Variants in CHRM3 observed in about 807,000 individuals in gnomAD.
CHRM3 encodes cholinergic receptor muscarinic 3, also known as muscarinic acetylcholine receptor M3.
Under a neutral mutation model 41.8 loss-of-function variants are expected in CHRM3, and 11 were observed. That is an observed-to-expected ratio of 0.26 (90% CI 0.17 to 0.44). The LOEUF (loss-of-function observed/expected upper bound fraction) is 0.44. CHRM3 is among the 20% of genes least tolerant of loss of function. CHRM3 has a pLI of 1.00. For missense variants in CHRM3, 571 were observed against 745.4 expected (o/e 0.77, Z 2.72); for synonymous variants, 297 against 301.4 (o/e 0.99, Z 0.15).
chr1:239,853,214 A>G (rs573462313), intron 6 of CHRM3, among the ~76,000 whole-genome samples: 3 of 151,926 alleles, frequency 2.0e-5, no homozygotes, highest in Admixed American at 6.6e-5. Flanking sequence ...TTATTTCAGT[A>G]TTCTCCCCAT....
chr1:239,737,071 A>G (rs907573361), intron 5 of CHRM3, among the ~76,000 whole-genome samples: 9 of 152,190 alleles, frequency 5.9e-5, no homozygotes, highest in African/African-American at 1.9e-4. Context: ...GTAAGTATAC[A>G]TGTGACTTAA....
chr1:239,458,629 A>G (rs1254070118), intron 1 of CHRM3, among the ~76,000 whole-genome samples: 1 of 152,218 alleles, frequency 6.6e-6, no homozygotes, highest in Non-Finnish European at 1.5e-5. Context: ...TCCATAAGGT[A>G]TCATCAGTGT....
At chr1:239,482,584 A>G (rs1476113531) in intron 1 of CHRM3, among the ~76,000 whole-genome samples, 1 of 152,080 alleles carries the variant, frequency 6.6e-6, no homozygotes, top group African/African-American at 2.4e-5. Context: ...TCAGATTATT[A>G]ATATACCACT....
At chr1:239,449,606 G>C (rs1478287321) in intron 1 of CHRM3, among the ~76,000 whole-genome samples, 2 of 152,074 alleles carry the variant, frequency 1.3e-5, no homozygotes, top group Admixed American at 1.3e-4. Context: ...TTTGCAGATG[G>C]TTCCAAATTC....
chr1:239,763,367 T>C (rs909147929), intron 5 of CHRM3, among the ~76,000 whole-genome samples: 1 of 152,236 alleles, frequency 6.6e-6, no homozygotes, highest in Non-Finnish European at 1.5e-5. Context: ...CTTTTCAATG[T>C]CTCATGAATA....
intron 3 of CHRM3, among the ~76,000 whole-genome samples, chr1:239,587,241 A>G (rs751752151): frequency 6.6e-6 from 1 of 152,200 alleles, no homozygotes; most frequent in Non-Finnish European, 1.5e-5. Context: ...AGATCCACGT[A>G]CTTGCCACAG....
chr1:239,914,041 G>A lies in CHRM3; in HGVS notation c.*4817G>A, dbSNP rs1572673526. ...TTGCATTCTATTTAAAAGATAAAGG[G>A]GCCATACTCTCCACTGCAAAGAAGC... On this transcript the variant is annotated 3_prime_UTR_variant, in exon 7 of 7. Transcript: ENST00000676153. The A allele has an allele frequency of 6.0e-6, 1 of 166,884 alleles. No homozygotes were observed. Among genetic ancestry groups the A allele is most frequent in the African/African-American group, 2.4e-5 (1 of 41,394 alleles). The allele number at this position is 166,884 out of a possible 1,614,324, so 10.3% of individuals were successfully genotyped here.
At chr1:239,896,098 G>A (rs1678979835) in intron 6 of CHRM3, among the ~76,000 whole-genome samples, 1 of 152,210 alleles carries the variant, frequency 6.6e-6, no homozygotes, top group Non-Finnish European at 1.5e-5. Flanking sequence ...AGGTGAAGAT[G>A]AAAGTGTCCC....
chr1:239,862,537 G>A (rs1262741424), intron 6 of CHRM3, among the ~76,000 whole-genome samples: 6 of 152,046 alleles, frequency 3.9e-5, no homozygotes, highest in Admixed American at 2.6e-4. Context: ...GAAAAAAAAA[G>A]ATTGAAATTA....
At chr1:239,878,065 T>C (rs1215668901) in intron 6 of CHRM3, among the ~76,000 whole-genome samples, 1 of 147,930 alleles carries the variant, frequency 6.8e-6, no homozygotes, top group Non-Finnish European at 1.5e-5. Flanking sequence ...TAATTTTTTG[T>C]ATTTTTAGTA....
intron 3 of CHRM3, among the ~76,000 whole-genome samples, chr1:239,554,729 C>CTTTTTTT (rs750207504): frequency 1.6e-5 from 2 of 122,956 alleles, no homozygotes; most frequent in Non-Finnish European, 3.3e-5. Context: ...GTATTTCTTT[C>CTTTTTTT]TTTTTTTTTT....
Position 239,865,469 on chromosome 1 carries a change from C to A in CHRM3, c.-20+38091C>A, listed in dbSNP as rs556575022. Among the ~76,000 whole-genome samples, 140 of 152,188 alleles carry A rather than the reference C, an allele frequency of 9.2e-4. 2 individuals carry two copies. Among genetic ancestry groups the A allele is most frequent in the African/African-American group, 3.2e-3 (132 of 41,516 alleles). ...GTAAATTCAGGAAAGGAGGAGGAAA[C>A]AAAGGAGGACAGGGAATATGGCAGG... On this transcript the variant is annotated intron_variant, in intron 6 of 6. Transcript: ENST00000676153.
intron 3 of CHRM3, among the ~76,000 whole-genome samples, chr1:239,562,809 A>G (rs979395135): frequency 7.9e-5 from 12 of 151,672 alleles, no homozygotes; most frequent in African/African-American, 2.9e-4. Flanking sequence ...AATCACTTGA[A>G]ACTGGAAGGT....
At chr1:239,611,839 A>G (rs1667113826) in intron 3 of CHRM3, among the ~76,000 whole-genome samples, 1 of 152,216 alleles carries the variant, frequency 6.6e-6, no homozygotes, top group African/African-American at 2.4e-5. Flanking sequence ...TCAGACACCA[A>G]AAGCATATTA....
intron 1 of CHRM3, among the ~76,000 whole-genome samples, chr1:239,419,482 T>C (rs1169113032): frequency 6.6e-6 from 1 of 152,126 alleles, no homozygotes; most frequent in Non-Finnish European, 1.5e-5. Context: ...GATTTTTCTT[T>C]TGGTTTGTGA....
At chr1:239,499,299 C>T (rs532858614) in intron 2 of CHRM3, among the ~76,000 whole-genome samples, 10 of 152,014 alleles carry the variant, frequency 6.6e-5, no homozygotes, top group Non-Finnish European at 1.3e-4. Flanking sequence ...ACAGGAGGGT[C>T]AGAACTGGGC....
At chr1:239,791,384 C>T (rs1047324904) in intron 5 of CHRM3, among the ~76,000 whole-genome samples, 37 of 152,294 alleles carry the variant, frequency 2.4e-4, no homozygotes, top group African/African-American at 2.2e-4. Flanking sequence ...GGACTACAGG[C>T]GTGAACCACC....
At chr1:239,884,151 T>A (rs1010592614) in intron 6 of CHRM3, among the ~76,000 whole-genome samples, 2 of 152,168 alleles carry the variant, frequency 1.3e-5, no homozygotes, top group African/African-American at 4.8e-5. Context: ...AACCTGTGAA[T>A]GTTACCTAAT....
chr1:239,699,778 A>G (rs1660517056), intron 5 of CHRM3, among the ~76,000 whole-genome samples: 1 of 152,206 alleles, frequency 6.6e-6, no homozygotes, highest in African/African-American at 2.4e-5. Flanking sequence ...ATGTTTACAA[A>G]TTGGTTATAA....
Sources: allele counts gnomAD v4.1 joint callset (sites outside exome capture counted in the v4.1 genomes callset), GRCh38; gene constraint gnomAD v4.1.1; transcripts MANE v1.5; gene names NCBI Gene and HGNC (gene_info 2026-07-23, HGNC 2026-07-21).